Variants in NDUFAF2 observed in about 807,000 individuals in gnomAD.
NDUFAF2 encodes NADH:ubiquinone oxidoreductase complex assembly factor 2.
A neutral mutation model predicts 22.8 loss-of-function variants in NDUFAF2; 13 were observed. The ratio of observed to expected loss-of-function variants is 0.57; its 90% CI spans 0.37 to 0.91. NDUFAF2 has a LOEUF of 0.91. Among genes scored for constraint, NDUFAF2 ranks in the 40% least tolerant of loss-of-function variants. The pLI is 0.01. For missense variants in NDUFAF2, 162 were observed against 195.2 expected (o/e 0.83, Z 1.01); for synonymous variants, 53 against 64.2 (o/e 0.83, Z 0.84).
chr5:61,006,776 T>C (rs1751372287), intron 1 of NDUFAF2, among the ~76,000 whole-genome samples: 1 of 152,078 alleles, frequency 6.6e-6, no homozygotes, highest in African/African-American at 2.4e-5. Flanking sequence ...TGTATTGCAG[T>C]ACAGGTATTA....
rs150483006 is a variant in NDUFAF2, at chr5:60,968,502, C to T, written c.127+23120C>T. ...TCGTCATAGAACTACTTTTGTTACA[C>T]GCTATAAGTTTTGGTATGTTATGTT... On this transcript the variant is annotated intron_variant, in intron 1 of 3. Coordinates refer to ENST00000296597, the MANE Select transcript of NDUFAF2 (RefSeq NM_174889.5). Among the ~76,000 whole-genome samples the T allele has an allele frequency of 2.3e-4, 35 of 151,212 alleles. No individual in the cohort carries two copies. In the East Asian group the frequency reaches 5.6e-3, roughly 24 times the overall value.
intron 1 of NDUFAF2, among the ~76,000 whole-genome samples, chr5:60,946,652 T>C (rs568228920): frequency 6.6e-6 from 1 of 152,238 alleles, no homozygotes; most frequent in Non-Finnish European, 1.5e-5. Flanking sequence ...TGAGTTTTTT[T>C]AAATTGAAAT....
chr5:61,025,453 C>T (rs569151859), intron 1 of NDUFAF2, among the ~76,000 whole-genome samples: 168 of 151,978 alleles, frequency 1.1e-3, no homozygotes, highest in Non-Finnish European at 2.1e-3. Context: ...CTTAAGATAT[C>T]TTTTTTAAAC....
intron 2 of NDUFAF2, among the ~76,000 whole-genome samples, chr5:61,095,038 A>G (rs1752621110): frequency 1.3e-5 from 2 of 151,850 alleles, no homozygotes. Flanking sequence ...GTCAACTTGG[A>G]CTCTCCAAAG....
rs200015156 is a variant in NDUFAF2, at chr5:60,986,937, C to CAAA, written c.127+41571_127+41573dup. Reference sequence around the variant, plus strand: ...ATAATAGTGTGAGACTCTTTTGTCTCAAAAAAAAAAAAAAAAAAGAAACAT... The same window carrying CAAA: ...ATAATAGTGTGAGACTCTTTTGTCTCAAAAAAAAAAAAAAAAAAAAAGAAACAT... On this transcript the variant is annotated intron_variant, in intron 1 of 3. Transcript: ENST00000296597. Among the ~76,000 whole-genome samples, 45 of 73,460 alleles carry CAAA rather than the reference C, an allele frequency of 6.1e-4. 1 individual carries two copies. The highest frequency in any genetic ancestry group is 1.0e-3 in the Non-Finnish European group (33 of 32,714). The allele number at this position is 73,460 out of a possible 152,430, so 48.2% of individuals were successfully genotyped here.
At chr5:61,147,373 C>T (rs1357695146) in intron 3 of NDUFAF2, among the ~76,000 whole-genome samples, 5 of 151,084 alleles carry the variant, frequency 3.3e-5, no homozygotes, top group East Asian at 1.9e-4. Flanking sequence ...TTCAGCCTCC[C>T]GAGTAGCTGG....
At chr5:61,136,020 T>C (rs1214123862) in intron 3 of NDUFAF2, among the ~76,000 whole-genome samples, 1 of 31,316 alleles carries the variant, frequency 3.2e-5, no homozygotes, top group Admixed American at 5.8e-4. Flanking sequence ...TATATATATA[T>C]ATATATATAT....
chr5:60,986,138 G>A (rs1051029527), intron 1 of NDUFAF2, among the ~76,000 whole-genome samples: 3 of 152,156 alleles, frequency 2.0e-5, no homozygotes, highest in Non-Finnish European at 2.9e-5. Context: ...CAATATTACT[G>A]CTATGTGTAT....
chr5:60,995,959 C>G (rs1269916227), intron 1 of NDUFAF2, among the ~76,000 whole-genome samples: 1 of 152,166 alleles, frequency 6.6e-6, no homozygotes, highest in Non-Finnish European at 1.5e-5. Flanking sequence ...CAAGACTACC[C>G]CTGATGTTTC....
intron 1 of NDUFAF2, among the ~76,000 whole-genome samples, chr5:60,953,828 A>G (rs568001974): frequency 6.6e-6 from 1 of 152,202 alleles, no homozygotes; most frequent in Non-Finnish European, 1.5e-5. Flanking sequence ...TTTAAAATGC[A>G]TGATTACATT....
At chr5:61,146,354 T>C (rs1741137817) in intron 3 of NDUFAF2, 1 of 152,198 alleles carries the variant, frequency 6.6e-6, no homozygotes. Flanking sequence ...TCCTCTGCAA[T>C]GAAGTCCTTC....
intron 3 of NDUFAF2, among the ~76,000 whole-genome samples, chr5:61,112,772 C>T (rs1333920143): frequency 6.6e-6 from 1 of 151,962 alleles, no homozygotes; most frequent in Non-Finnish European, 1.5e-5. Flanking sequence ...TAAGGACTTA[C>T]TCTTGACATT....
chr5:61,024,554 T>G (rs1751626700), intron 1 of NDUFAF2, among the ~76,000 whole-genome samples: 2 of 152,078 alleles, frequency 1.3e-5, no homozygotes, highest in Non-Finnish European at 2.9e-5. Flanking sequence ...ATATGTAGTA[T>G]TATTATCACT....
intron 1 of NDUFAF2, among the ~76,000 whole-genome samples, chr5:61,049,386 G>A (rs1393477944): frequency 6.6e-6 from 1 of 152,110 alleles, no homozygotes; most frequent in Non-Finnish European, 1.5e-5. Context: ...TCCGAAATTT[G>A]AAGAATTATC....
At chr5:60,962,947 G>T (rs541745690) in intron 1 of NDUFAF2, among the ~76,000 whole-genome samples, 1 of 151,780 alleles carries the variant, frequency 6.6e-6, no homozygotes, top group East Asian at 2.0e-4. Context: ...GTGCAGTGGC[G>T]CGATCTCGGC....
intron 1 of NDUFAF2, among the ~76,000 whole-genome samples, chr5:60,962,969 T>C (rs561664850): frequency 5.3e-5 from 8 of 152,094 alleles, no homozygotes; most frequent in African/African-American, 1.9e-4. Context: ...CACTGCAACC[T>C]GCGCCTTCCA....
intron 1 of NDUFAF2, among the ~76,000 whole-genome samples, chr5:61,037,284 A>G (rs1015087675): frequency 3.3e-5 from 5 of 152,342 alleles, no homozygotes; most frequent in African/African-American, 1.2e-4. Context: ...AGAGAAAACA[A>G]AACTTAAACT....
intron 1 of NDUFAF2, among the ~76,000 whole-genome samples, chr5:61,008,594 T>C (rs1161520801): frequency 6.6e-6 from 1 of 152,116 alleles, no homozygotes; most frequent in African/African-American, 2.4e-5. Context: ...ATTTCACCTA[T>C]CTTGATGCAT....
At chr5:60,973,163 T>C (rs1750858452) in intron 1 of NDUFAF2, among the ~76,000 whole-genome samples, 2 of 152,192 alleles carry the variant, frequency 1.3e-5, no homozygotes, top group African/African-American at 4.8e-5. Context: ...ATGCTCACCA[T>C]TAGTCTTTTT....
Sources: gnomAD v4.1 joint callset for allele counts (sites outside exome capture counted in the v4.1 genomes callset) on GRCh38, gnomAD v4.1.1 for gene constraint, MANE v1.5 for transcripts, NCBI Gene and HGNC (gene_info 2026-07-23, HGNC 2026-07-21) for gene names.